Variants in LRRTM4 observed in about 807,000 individuals in gnomAD.
LRRTM4 encodes leucine-rich repeat transmembrane neuronal protein 4.
LRRTM4 carries 25 observed loss-of-function variants against 47.6 expected under a neutral mutation model. The ratio of observed to expected loss-of-function variants is 0.53; its 90% confidence interval spans 0.38 to 0.73. The LOEUF (loss-of-function observed/expected upper bound fraction) is 0.73, where lower values mean the gene tolerates loss of function less well. Ranked by LOEUF, LRRTM4 falls within the 30% of genes least tolerant of loss-of-function variation. The pLI is 0.00. For synonymous variants in LRRTM4, 311 were observed against 269.5 expected (o/e 1.15, Z -1.51); for missense variants, 638 against 713.4 (o/e 0.89, Z 1.20).
Position 77,269,393 on chromosome 2 carries a change from T to C in LRRTM4, c.1551+248925A>G, listed in dbSNP as rs778800025. 1.3e-3 allele frequency among the ~76,000 whole-genome samples: 195 copies of C among 152,218 alleles called. 1 individual carries two copies. The highest frequency in any genetic ancestry group is 2.1e-3 in the Non-Finnish European group (144 of 67,982). On this transcript the variant is annotated intron_variant, in intron 3 of 3. Transcript: ENST00000409884. ...ATAAATATCATTAAATTACTGTGAA[T>C]AAGTTAAACATAGAAATAAGATAAT... is the stretch of plus-strand genomic sequence containing the variant.
intron 3 of LRRTM4, among the ~76,000 whole-genome samples, chr2:77,256,363 C>T (rs1675765907): frequency 6.6e-6 from 1 of 152,012 alleles, no homozygotes; most frequent in South Asian, 2.1e-4. Flanking sequence ...TGATTTTAAA[C>T]AAGCTCATCT....
At chr2:77,152,859 A>C (rs890446692) in intron 3 of LRRTM4, among the ~76,000 whole-genome samples, 1 of 152,138 alleles carries the variant, frequency 6.6e-6, no homozygotes, top group Non-Finnish European at 1.5e-5. Flanking sequence ...GAGATGTTAT[A>C]ATTTTAAGTA....
intron 3 of LRRTM4, among the ~76,000 whole-genome samples, chr2:77,017,724 T>C (rs1406497171): frequency 2.0e-5 from 3 of 152,020 alleles, no homozygotes; most frequent in African/African-American, 7.3e-5. Context: ...AAAAGAAAAA[T>C]AAATAGAAGA....
At chr2:77,374,811 T>A (rs555842814) in intron 3 of LRRTM4, among the ~76,000 whole-genome samples, 123 of 151,912 alleles carry the variant, frequency 8.1e-4, no homozygotes, top group Non-Finnish European at 1.5e-3. Flanking sequence ...GCCATAAATT[T>A]TAAGTTCCAA....
chr2:77,518,429 A>C lies in LRRTM4; in HGVS notation c.1440T>G (p.Pro480=). The change falls in exon 3 of 4, where the codon CCT becomes CCG. Residue 480 remains proline (P), a synonymous_variant. Coordinates refer to ENST00000409884, the MANE Select transcript of LRRTM4 (RefSeq NM_001134745.3). ...TGTAGTCCACATAATACTCCTGTAA[A>C]GGGGAATTCATTTGTCTTTCAGACT... is the stretch of plus-strand genomic sequence containing the variant. ...ARESERQMNS[P]LQEYYVDYKP... 1 of 1,613,216 alleles carries C rather than the reference A, an allele frequency of 6.2e-7. No individual in the cohort carries two copies. The highest frequency in any genetic ancestry group is 8.5e-7 in the Non-Finnish European group (1 of 1,179,560).
intron 3 of LRRTM4, among the ~76,000 whole-genome samples, chr2:77,006,286 A>C (rs532895619): frequency 6.6e-6 from 1 of 152,274 alleles, no homozygotes; most frequent in South Asian, 2.1e-4. Context: ...CTAAGGAATT[A>C]CAATAATTTC....
At chr2:77,346,573 T>C (rs1050006687) in intron 3 of LRRTM4, among the ~76,000 whole-genome samples, 20 of 152,132 alleles carry the variant, frequency 1.3e-4, no homozygotes, top group African/African-American at 4.6e-4. Context: ...GAATTTTACA[T>C]TGGTACAATA....
intron 3 of LRRTM4, among the ~76,000 whole-genome samples, chr2:77,487,905 A>T (rs1677983106): frequency 1.3e-5 from 2 of 152,202 alleles, no homozygotes; most frequent in South Asian, 4.1e-4. Context: ...GTCTCCTGAG[A>T]CCTGTGCTGT....
intron 3 of LRRTM4, among the ~76,000 whole-genome samples, chr2:76,971,406 T>C (rs1676214859): frequency 6.6e-6 from 1 of 152,034 alleles, no homozygotes. Flanking sequence ...GGCAAGTAGA[T>C]GATTAACAGG....
chr2:77,244,642 TAGAC>T (rs1675379471), intron 3 of LRRTM4, among the ~76,000 whole-genome samples: 1 of 152,090 alleles, frequency 6.6e-6, no homozygotes, highest in South Asian at 2.1e-4. Flanking sequence ...GAGTGTAGGC[TAGAC>T]TTAGAAGTTC....
chr2:76,843,003 T>G (rs890666203), intron 3 of LRRTM4, among the ~76,000 whole-genome samples: 1 of 152,186 alleles, frequency 6.6e-6, no homozygotes, highest in African/African-American at 2.4e-5. Context: ...TTGAAAGAAA[T>G]GGTCAGTTAT....
Position 76,907,705 on chromosome 2 carries a change from C to A in LRRTM4, c.1552-158789G>T, listed in dbSNP as rs1342366615. Among the ~76,000 whole-genome samples the A allele has an allele frequency of 1.7e-5, 2 of 116,284 alleles. 1 individual carries two copies. The highest frequency in any genetic ancestry group is 3.3e-5 in the Non-Finnish European group (2 of 59,972). 76.3% of individuals were successfully genotyped at this position (116,284 alleles called of 152,430 possible). A position where few individuals can be genotyped will look rare whatever the true frequency, so the allele number is the denominator to read the frequency against. On this transcript the variant is annotated intron_variant, in intron 3 of 3. Coordinates refer to ENST00000409884, the MANE Select transcript of LRRTM4 (RefSeq NM_001134745.3). ...AAATACAAACTACCATCAGAGAATA[C>A]TACAAACACCTCTACGCAAATAAAC...
intron 3 of LRRTM4, among the ~76,000 whole-genome samples, chr2:77,442,923 T>C (rs1006430839): frequency 6.6e-6 from 1 of 152,148 alleles, no homozygotes; most frequent in African/African-American, 2.4e-5. Flanking sequence ...GGGTCCCTCT[T>C]ATGGCTTAAA....
chr2:77,294,284 A>T (rs1185755003), intron 3 of LRRTM4, among the ~76,000 whole-genome samples: 2 of 143,958 alleles, frequency 1.4e-5, no homozygotes, highest in Non-Finnish European at 2.9e-5. Context: ...TGACTCTGGA[A>T]CATTGATTTT....
At position 77,075,914 on chromosome 2, in the gene LRRTM4, CAAAAAAAA is replaced by C. The variant is rs61718845; in HGVS notation, c.1552-327006_1552-326999del. Among the ~76,000 whole-genome samples, 216 of 36,860 alleles carry C rather than the reference CAAAAAAAA, an allele frequency of 5.9e-3. 1 individual carries two copies. The highest frequency in any genetic ancestry group is 0.014 in the African/African-American group (165 of 11,550). 24.2% of individuals were successfully genotyped at this position (36,860 alleles called of 152,430 possible). ...TGGGCGACAGAGCGAGACTCCGTCTCAAAAAAAAAAAAAAAAAAAAAAAAAAAAATGGG... is the reference window on the plus strand; with the variant it reads ...TGGGCGACAGAGCGAGACTCCGTCTCAAAAAAAAAAAAAAAAAAAAATGGG... On this transcript the variant is annotated intron_variant, in intron 3 of 3. Transcript: ENST00000409884.
chr2:77,133,853 T>G (rs1275842891), intron 3 of LRRTM4, among the ~76,000 whole-genome samples: 1 of 152,176 alleles, frequency 6.6e-6, no homozygotes, highest in Non-Finnish European at 1.5e-5. Context: ...TAAACAAAAT[T>G]TGTGATTGAA....
intron 3 of LRRTM4, among the ~76,000 whole-genome samples, chr2:77,201,774 G>A (rs1673981835): frequency 6.6e-6 from 1 of 151,912 alleles, no homozygotes; most frequent in African/African-American, 2.4e-5. Flanking sequence ...TTTTATTAAT[G>A]ACAAATGAAA....
At chr2:77,190,793 C>T (rs1231269724) in intron 3 of LRRTM4, among the ~76,000 whole-genome samples, 1 of 152,090 alleles carries the variant, frequency 6.6e-6, no homozygotes, top group African/African-American at 2.4e-5. Context: ...AATATGTGGG[C>T]TCACTGAAGT....
At chr2:77,032,430 C>T (rs1264386448) in intron 3 of LRRTM4, among the ~76,000 whole-genome samples, 1 of 152,064 alleles carries the variant, frequency 6.6e-6, no homozygotes, top group Non-Finnish European at 1.5e-5. Flanking sequence ...TAGTATCTTT[C>T]TCCTTCCACT....
Sources: gnomAD v4.1 joint callset for allele counts (sites outside exome capture counted in the v4.1 genomes callset) on GRCh38, gnomAD v4.1.1 for gene constraint, MANE v1.5 for transcripts, NCBI Gene and HGNC (gene_info 2026-07-23, HGNC 2026-07-21) for gene names.